The following INPP5F variants were observed in gnomAD, a reference collection of about 807,000 sequenced individuals.
INPP5F encodes the protein inositol polyphosphate-5-phosphatase F, also known as phosphatidylinositide 4-phosphatase SAC2.
In INPP5F, 97 loss-of-function variants were observed where a neutral mutation model predicts 137.2. That is an observed-to-expected ratio of 0.71 (90% confidence interval 0.60 to 0.84). INPP5F has a LOEUF of 0.84. INPP5F is among the 40% of genes least tolerant of loss of function. INPP5F has a pLI of 0.00. For missense variants in INPP5F, 1,271 were observed against 1,371.9 expected (o/e 0.93, Z 1.16); for synonymous variants, 504 against 476.9 (o/e 1.06, Z -0.74).
chr10:119,777,137 C>T (rs1849550697), intron 2 of INPP5F, among the ~76,000 whole-genome samples: 1 of 152,122 alleles, frequency 6.6e-6, no homozygotes, highest in Non-Finnish European at 1.5e-5. Flanking sequence ...TTGAGTGATC[C>T]TCCCTTCTCA....
chr10:119,813,799 C>G (rs922131884), intron 15 of INPP5F, among the ~76,000 whole-genome samples: 1 of 152,048 alleles, frequency 6.6e-6, no homozygotes, highest in African/African-American at 2.4e-5. Context: ...CAGTTCAAGA[C>G]CAGCCTGGGC....
Position 119,751,156 on chromosome 10 carries a change from G to A in INPP5F, c.178G>A (p.Asp60Asn). Residue 60 changes from aspartate to asparagine, a missense_variant and splice_region_variant, in exon 2 of 20, where the codon GAT becomes AAT. Asp to Asn is a conservative substitution (Grantham distance 23). Transcript: ENST00000650623. ...GVIGKIQLHS[D>N]LPWWLILIRQ... is the part of the protein sequence containing the mutation. ...TATTGGGAAAATTCAACTTCATTCA[G>A]GTATGTTTCTATAAACTCCTTAAAC... 1 of 1,581,890 alleles carries A rather than the reference G, an allele frequency of 6.3e-7. No individual in the cohort carries two copies. The highest frequency in any genetic ancestry group is 1.1e-5 in the South Asian group (1 of 90,372).
chr10:119,742,883 T>C (rs927360364), intron 1 of INPP5F, among the ~76,000 whole-genome samples: 1 of 152,108 alleles, frequency 6.6e-6, no homozygotes, highest in African/African-American at 2.4e-5. Context: ...TCCCAGCTAC[T>C]TGGGAGGCTA....
chr10:119,776,708 CAG>C (rs1470473203), intron 2 of INPP5F, among the ~76,000 whole-genome samples: 1 of 150,812 alleles, frequency 6.6e-6, no homozygotes, highest in Admixed American at 6.6e-5. Flanking sequence ...GTGTGACCCA[CAG>C]AGAGAGAGAG....
At chr10:119,815,198 C>T (rs12783681) in intron 15 of INPP5F, 9,997 of 152,464 alleles carry the variant, frequency 0.066, 437 homozygotes, top group South Asian at 0.26. Context: ...ATAGCTTCCA[C>T]TGGGGGCCTC....
chr10:119,800,414 A>C (rs1230574100), intron 9 of INPP5F, among the ~76,000 whole-genome samples: 1 of 149,012 alleles, frequency 6.7e-6, no homozygotes, highest in African/African-American at 2.4e-5. Flanking sequence ...AAAAAAATTA[A>C]CCAGGCATGG....
Position 119,827,539 on chromosome 10 carries a change from T to C in INPP5F, c.3158T>C (p.Leu1053Pro). 1 of 1,614,138 alleles carries C rather than the reference T, an allele frequency of 6.2e-7. No homozygotes were observed. Among genetic ancestry groups the C allele is most frequent in the Non-Finnish European group, 8.5e-7 (1 of 1,180,002 alleles). Residue 1053 changes from leucine to proline, a missense_variant, in exon 20 of 20, where the codon CTT becomes CCT. Physicochemically the swap from Leu to Pro is moderately conservative, Grantham distance 98. This residue lies in a region of INPP5F where 490 missense variants were observed against 443.7 expected (regional missense o/e 1.10). Coordinates refer to ENST00000650623, the MANE Select transcript of INPP5F (RefSeq NM_014937.4). ...AGCATGCTTGAACTTGAGACAGGGC[T>C]TCATGTAACTCCTTCTCCTTCAGAG... ...ASSMLELETG[L>P]HVTPSPSESS...
intron 1 of INPP5F, among the ~76,000 whole-genome samples, chr10:119,728,798 C>A (rs1023627361): frequency 6.6e-6 from 1 of 152,196 alleles, no homozygotes; most frequent in Non-Finnish European, 1.5e-5. Flanking sequence ...CAGATGCTAC[C>A]CCTCATCCTT....
Position 119,748,202 on chromosome 10 carries a change from G to A in INPP5F, c.98-2874G>A, listed in dbSNP as rs1848594564. 6.6e-6 allele frequency among the ~76,000 whole-genome samples: 1 copy of A among 152,238 alleles called. No homozygotes were observed. The highest frequency in any genetic ancestry group is 1.5e-5 in the Non-Finnish European group (1 of 68,046). ...GCAGGCAGCTCCAGGCACCGGTACA[G>A]GCACTGGCTTTGTGCAAGGCTGTGG... On this transcript the variant is annotated intron_variant, in intron 1 of 19. Coordinates refer to ENST00000650623, the MANE Select transcript of INPP5F (RefSeq NM_014937.4). This position sits in a 1 kb window ranked among gnomAD's most constrained non-coding sequence, Gnocchi z 4.7.
At chr10:119,797,213 C>T (rs1294659766) in intron 7 of INPP5F, among the ~76,000 whole-genome samples, 2 of 152,176 alleles carry the variant, frequency 1.3e-5, no homozygotes, top group Non-Finnish European at 2.9e-5. Context: ...GTGATAAATC[C>T]TTCCTATGTG....
chr10:119,800,451 T>C (rs1374074795), intron 9 of INPP5F, among the ~76,000 whole-genome samples: 1 of 148,474 alleles, frequency 6.7e-6, no homozygotes, highest in Non-Finnish European at 1.5e-5. Context: ...TCCTAGCTTC[T>C]CGGGAGGCTG....
At chr10:119,730,868 A>G (rs1848042324) in intron 1 of INPP5F, among the ~76,000 whole-genome samples, 1 of 151,652 alleles carries the variant, frequency 6.6e-6, no homozygotes, top group Non-Finnish European at 1.5e-5. Flanking sequence ...GCGCACTGCA[A>G]CCTCTGCCTC....
At chr10:119,736,624 A>C (rs553327015) in intron 1 of INPP5F, among the ~76,000 whole-genome samples, 1 of 152,270 alleles carries the variant, frequency 6.6e-6, no homozygotes, top group African/African-American at 2.4e-5. Flanking sequence ...CCTTTTGTTT[A>C]GTTGTCCTCT....
At position 119,787,673 on chromosome 10, in the gene INPP5F, C is replaced by CAGGA. The variant is rs1375106212; in HGVS notation, c.316-3834_316-3831dup. Among the ~76,000 whole-genome samples the CAGGA allele has an allele frequency of 6.6e-6, 1 of 151,746 alleles. No individual in the cohort carries two copies. The highest frequency in any genetic ancestry group is 6.6e-5 in the Admixed American group (1 of 15,236). Reference sequence around the variant, plus strand: ...GAAGGGAGGAAGGCAGGCAGGCAGGCAGGAAGGAAGGAAATGCCAAGCTTA... The same window carrying CAGGA: ...GAAGGGAGGAAGGCAGGCAGGCAGGCAGGAAGGAAGGAAGGAAATGCCAAGCTTA... On this transcript the variant is annotated intron_variant, in intron 3 of 19. Transcript: ENST00000650623. The surrounding 1 kb of genome is among the most constrained non-coding windows in gnomAD (Gnocchi z 4.1).
intron 1 of INPP5F, among the ~76,000 whole-genome samples, chr10:119,732,295 C>T (rs1004685769): frequency 6.6e-6 from 1 of 151,904 alleles, no homozygotes; most frequent in Non-Finnish European, 1.5e-5. Context: ...CCTCAGCCTC[C>T]CAAAGTGCTA....
intron 6 of INPP5F, among the ~76,000 whole-genome samples, chr10:119,793,263 G>T (rs909405319): frequency 6.6e-6 from 1 of 152,210 alleles, no homozygotes; most frequent in South Asian, 2.1e-4. Flanking sequence ...CTCTATGCCT[G>T]TCAAGAGTTT....
chr10:119,775,602 C>T (rs1448076696), intron 2 of INPP5F, among the ~76,000 whole-genome samples: 1 of 152,056 alleles, frequency 6.6e-6, no homozygotes, highest in Admixed American at 6.6e-5. Context: ...AACCCAAAGC[C>T]CATGGGGTTT....
At chr10:119,826,336 T>C (rs1362268098) in intron 19 of INPP5F, among the ~76,000 whole-genome samples, 1 of 152,260 alleles carries the variant, frequency 6.6e-6, no homozygotes, top group African/African-American at 2.4e-5. Context: ...TAATCATCTT[T>C]TAATATTTTT....
chr10:119,735,230 C>T (rs1848186271), intron 1 of INPP5F, among the ~76,000 whole-genome samples: 1 of 152,178 alleles, frequency 6.6e-6, no homozygotes, highest in South Asian at 2.1e-4. Flanking sequence ...GTCTGAAATA[C>T]AGGTTGATTT....
Sources: gnomAD v4.1 joint callset for allele counts (sites outside exome capture counted in the v4.1 genomes callset) on GRCh38, gnomAD v4.1.1 for gene constraint, gnomAD v4.1.1 regional missense constraint, Gnocchi (gnomAD v3.1) non-coding constraint, MANE v1.5 for transcripts, NCBI Gene and HGNC (gene_info 2026-07-23, HGNC 2026-07-21) for gene names.